LDB2: variants seen among roughly 807,000 people sequenced by gnomAD.
LDB2 encodes the protein LIM domain-binding protein 2.
LDB2 carries 12 observed loss-of-function variants against 44.3 expected under a neutral mutation model. That is an observed-to-expected ratio of 0.27 (90% CI 0.17 to 0.44). LDB2 has a LOEUF of 0.44. Ranked by LOEUF, LDB2 falls within the 20% of genes least tolerant of loss-of-function variation. The probability of loss-of-function intolerance (pLI) is 1.00; values close to 1 mark genes in which losing one functional copy is unlikely to be tolerated. For synonymous variants in LDB2, 164 were observed against 174.8 expected (o/e 0.94, Z 0.49); for missense variants, 344 against 473.5 (o/e 0.73, Z 2.54).
chr4:16,692,683 G>A (rs994829766), intron 2 of LDB2, among the ~76,000 whole-genome samples: 4 of 152,126 alleles, frequency 2.6e-5, no homozygotes, highest in Non-Finnish European at 5.9e-5. Flanking sequence ...GAGGAGCATA[G>A]CAGGAGAGAC....
At chr4:16,699,994 T>C (rs906088002) in intron 2 of LDB2, among the ~76,000 whole-genome samples, 4 of 152,342 alleles carry the variant, frequency 2.6e-5, no homozygotes, top group African/African-American at 4.8e-5. Context: ...TCTGAAATGT[T>C]TGGGGCCAGA....
intron 2 of LDB2, among the ~76,000 whole-genome samples, chr4:16,620,171 T>A (rs1213670585): frequency 6.6e-6 from 1 of 152,170 alleles, no homozygotes; most frequent in Non-Finnish European, 1.5e-5. Flanking sequence ...ATCTTTAATG[T>A]CCAAAACAGT....
intron 1 of LDB2, among the ~76,000 whole-genome samples, chr4:16,845,985 T>C (rs538864794): frequency 4.5e-4 from 69 of 152,010 alleles, no homozygotes; most frequent in East Asian, 1.2e-3. Context: ...AGCATGCGCC[T>C]GTAGTCCCAG....
At chr4:16,897,905 T>TATATATATAC (rs1725571099) in intron 1 of LDB2, among the ~76,000 whole-genome samples, 2 of 20,738 alleles carry the variant, frequency 9.6e-5, no homozygotes, top group African/African-American at 5.8e-4. Context: ...AATATATATA[T>TATATATATAC]ATATATATAT....
At chr4:16,519,138 A>G (rs569256910) in intron 5 of LDB2, among the ~76,000 whole-genome samples, 1 of 152,294 alleles carries the variant, frequency 6.6e-6, no homozygotes, top group African/African-American at 2.4e-5. Flanking sequence ...CTTTTTATTT[A>G]ACACGGTATT....
chr4:16,890,852 G>T (rs970455357), intron 1 of LDB2, among the ~76,000 whole-genome samples: 2 of 152,082 alleles, frequency 1.3e-5, no homozygotes, highest in Non-Finnish European at 2.9e-5. Flanking sequence ...GGTCTGCAAG[G>T]GTAGGAAGGA....
intron 1 of LDB2, among the ~76,000 whole-genome samples, chr4:16,806,406 G>A (rs778260083): frequency 6.6e-6 from 1 of 152,160 alleles, no homozygotes; most frequent in Non-Finnish European, 1.5e-5. Flanking sequence ...CTGGCCCATG[G>A]TGGGCACTCA....
At chr4:16,669,986 C>A (rs1744294329) in intron 2 of LDB2, among the ~76,000 whole-genome samples, 1 of 152,194 alleles carries the variant, frequency 6.6e-6, no homozygotes. Context: ...GAGAAATAAT[C>A]CATGGCTGCT....
intron 2 of LDB2, among the ~76,000 whole-genome samples, chr4:16,605,140 C>T (rs942567581): frequency 6.6e-6 from 1 of 152,008 alleles, no homozygotes; most frequent in Admixed American, 6.6e-5. Flanking sequence ...TTCTCTGATT[C>T]GAGTAGGATG....
At chr4:16,736,684 CAT>C (rs1761973430) in intron 2 of LDB2, among the ~76,000 whole-genome samples, 1 of 152,164 alleles carries the variant, frequency 6.6e-6, no homozygotes, top group Admixed American at 6.5e-5. Context: ...TAATCTATAT[CAT>C]ACCTTCAAAT....
chr4:16,575,458 AATAG>A (rs1747955034), intron 5 of LDB2, among the ~76,000 whole-genome samples: 1 of 152,244 alleles, frequency 6.6e-6, no homozygotes, highest in Admixed American at 6.5e-5. Flanking sequence ...AAATGGACCT[AATAG>A]ATATTTACAG....
At chr4:16,851,591 T>C (rs531906029) in intron 1 of LDB2, among the ~76,000 whole-genome samples, 1 of 147,936 alleles carries the variant, frequency 6.8e-6, no homozygotes, top group African/African-American at 2.5e-5. Context: ...GAGACTCTTG[T>C]CTCCAAAAAA....
At chr4:16,777,498 C>T (rs918444633) in intron 1 of LDB2, among the ~76,000 whole-genome samples, 5 of 152,074 alleles carry the variant, frequency 3.3e-5, no homozygotes, top group East Asian at 1.9e-4. Flanking sequence ...GCTGGGGAAG[C>T]GCCAGGGCTT....
chr4:16,521,825 A>T (rs1247221728), intron 5 of LDB2, among the ~76,000 whole-genome samples: 1 of 152,162 alleles, frequency 6.6e-6, no homozygotes, highest in Non-Finnish European at 1.5e-5. Flanking sequence ...CCTCTATTAA[A>T]TTATGAGGTG....
At chr4:16,543,459 G>A (rs1020130271) in intron 5 of LDB2, among the ~76,000 whole-genome samples, 320 of 152,252 alleles carry the variant, frequency 2.1e-3, no homozygotes, top group Non-Finnish European at 3.4e-3. Context: ...TTTAACGATC[G>A]CCATTCTAAC....
rs28366616 is a variant in LDB2, at chr4:16,659,673, A to G, written c.236-63798T>C. Among the ~76,000 whole-genome samples, 227 of 40,604 alleles carry G rather than the reference A, an allele frequency of 5.6e-3. 3 individuals are homozygous for G. The highest frequency in any genetic ancestry group is 0.026 in the Middle Eastern group (1 of 38). 26.6% of individuals were successfully genotyped at this position (40,604 alleles called of 152,430 possible). On this transcript the variant is annotated intron_variant, in intron 2 of 7. Coordinates refer to ENST00000304523, the MANE Select transcript of LDB2 (RefSeq NM_001290.5). ...CACATATGAGTATATCTATGTGTGT[A>G]TATATATATATATATATATGTATGT...
At chr4:16,692,200 C>T (rs571601802) in intron 2 of LDB2, among the ~76,000 whole-genome samples, 5 of 152,082 alleles carry the variant, frequency 3.3e-5, no homozygotes, top group African/African-American at 7.2e-5. Flanking sequence ...AATGCAGATG[C>T]GTACATAAAC....
At chr4:16,608,206 CAAAAAAAAA>C (rs71649969) in intron 2 of LDB2, among the ~76,000 whole-genome samples, 2 of 68,484 alleles carry the variant, frequency 2.9e-5, no homozygotes, top group Admixed American at 1.7e-4. Flanking sequence ...CACACTTCTT[CAAAAAAAAA>C]AAAAAAAAAA....
At chr4:16,581,887 T>G in intron 5 of LDB2, among the ~76,000 whole-genome samples, 2 of 144,372 alleles carry the variant, frequency 1.4e-5, no homozygotes, top group South Asian at 2.2e-4. Flanking sequence ...ATGCTGTGAG[T>G]ATTTAAAGAA....
Sources: allele counts gnomAD v4.1 joint callset (sites outside exome capture counted in the v4.1 genomes callset), GRCh38; gene constraint gnomAD v4.1.1; transcripts MANE v1.5; gene names NCBI Gene and HGNC (gene_info 2026-07-23, HGNC 2026-07-21).